Variants in RSU1 observed in about 807,000 individuals in gnomAD.
RSU1 encodes rsu-1.
Under a neutral mutation model 31.1 loss-of-function variants are expected in RSU1, and 26 were observed. The ratio of observed to expected loss-of-function variants is 0.84; its 90% confidence interval spans 0.61 to 1.16. The LOEUF is 1.16. Among genes scored for constraint, RSU1 ranks in the 50% most tolerant of loss-of-function variants. The pLI is 0.00. For missense variants in RSU1, 320 were observed against 339.1 expected (o/e 0.94, Z 0.44); for synonymous variants, 164 against 136.3 (o/e 1.20, Z -1.41).
intron 3 of RSU1, among the ~76,000 whole-genome samples, chr10:16,778,750 G>A (rs995149269): frequency 6.6e-5 from 10 of 152,088 alleles, no homozygotes; most frequent in African/African-American, 9.7e-5. Flanking sequence ...CAGGGCTACG[G>A]GGGGACAGAA....
intron 8 of RSU1, among the ~76,000 whole-genome samples, chr10:16,644,415 T>C (rs946803354): frequency 6.6e-6 from 1 of 152,254 alleles, no homozygotes; most frequent in Admixed American, 6.5e-5. Context: ...GTGAGTGGCA[T>C]TTCCCACGTG....
chr10:16,706,769 A>C (rs1835912176), intron 7 of RSU1, among the ~76,000 whole-genome samples: 2 of 152,172 alleles, frequency 1.3e-5, no homozygotes, highest in African/African-American at 4.8e-5. Flanking sequence ...CCTAATATAC[A>C]ATATTTCACT....
chr10:16,619,573 G>A (rs1834034739), intron 8 of RSU1, among the ~76,000 whole-genome samples: 1 of 152,198 alleles, frequency 6.6e-6, no homozygotes, highest in Non-Finnish European at 1.5e-5. Context: ...CCCTAAGGAA[G>A]TGCCTCGTGT....
chr10:16,759,612 A>G (rs1290101666), intron 4 of RSU1, among the ~76,000 whole-genome samples: 1 of 152,222 alleles, frequency 6.6e-6, no homozygotes, highest in African/African-American at 2.4e-5. Context: ...ACGAGGTCAA[A>G]CGTTATTCCC....
At chr10:16,745,511 C>G (rs1308296691) in intron 7 of RSU1, among the ~76,000 whole-genome samples, 1 of 152,132 alleles carries the variant, frequency 6.6e-6, no homozygotes, top group Non-Finnish European at 1.5e-5. Context: ...CAAGGAGAAG[C>G]AAGTCACATC....
chr10:16,751,477 G>A (rs1372822382), intron 7 of RSU1, among the ~76,000 whole-genome samples: 3 of 152,186 alleles, frequency 2.0e-5, no homozygotes, highest in Non-Finnish European at 2.9e-5. Flanking sequence ...TGATAGGCGT[G>A]CTCTGTGTCT....
chr10:16,665,746 A>G (rs887107975), intron 8 of RSU1, among the ~76,000 whole-genome samples: 1 of 152,236 alleles, frequency 6.6e-6, no homozygotes, highest in Admixed American at 6.5e-5. Context: ...AAACGGAAAG[A>G]ATAAAATATT....
chr10:16,706,658 C>G (rs1402243199), intron 7 of RSU1, among the ~76,000 whole-genome samples: 1 of 152,140 alleles, frequency 6.6e-6, no homozygotes, highest in African/African-American at 2.4e-5. Flanking sequence ...TGATACCTAT[C>G]TATGCTATAT....
At chr10:16,810,229 T>C (rs1838381131) in intron 2 of RSU1, among the ~76,000 whole-genome samples, 1 of 148,692 alleles carries the variant, frequency 6.7e-6, no homozygotes, top group Non-Finnish European at 1.5e-5. Context: ...AGACTGTGTC[T>C]CAAAAAATAA....
chr10:16,686,754 G>C (rs980746150), intron 8 of RSU1, among the ~76,000 whole-genome samples: 3 of 152,150 alleles, frequency 2.0e-5, no homozygotes, highest in Non-Finnish European at 2.9e-5. Context: ...CACACACAGA[G>C]AGAGACTGAG....
intron 7 of RSU1, among the ~76,000 whole-genome samples, chr10:16,730,745 A>T (rs931442559): frequency 3.9e-5 from 6 of 152,246 alleles, no homozygotes; most frequent in African/African-American, 1.4e-4. Context: ...ACATACAGAG[A>T]CATTAACCAA....
intron 8 of RSU1, among the ~76,000 whole-genome samples, chr10:16,626,148 T>A (rs752901741): frequency 2.6e-5 from 4 of 151,892 alleles, no homozygotes; most frequent in Non-Finnish European, 5.9e-5. Flanking sequence ...CAGGCTTAAG[T>A]GATCCTCCCA....
intron 8 of RSU1, among the ~76,000 whole-genome samples, chr10:16,609,443 GA>G (rs1833858480): frequency 6.6e-6 from 1 of 152,144 alleles, no homozygotes; most frequent in Non-Finnish European, 1.5e-5. Context: ...TTTCATCTAA[GA>G]ATCTCACCCA....
chr10:16,619,647 G>T (rs1834035905), intron 8 of RSU1, among the ~76,000 whole-genome samples: 1 of 152,154 alleles, frequency 6.6e-6, no homozygotes, highest in Non-Finnish European at 1.5e-5. Context: ...AATAAACTCT[G>T]AAAGACTCCT....
chr10:16,603,872 T>C (rs1249425847), intron 8 of RSU1, among the ~76,000 whole-genome samples: 2 of 152,192 alleles, frequency 1.3e-5, no homozygotes, highest in Non-Finnish European at 2.9e-5. Context: ...TATTCATAAA[T>C]ATAAGGAAGT....
chr10:16,612,939 T>G (rs964035165), intron 8 of RSU1, among the ~76,000 whole-genome samples: 1 of 151,702 alleles, frequency 6.6e-6, no homozygotes, highest in African/African-American at 2.4e-5. Flanking sequence ...TATTTTCCTC[T>G]CTATTTATCT....
chr10:16,593,173 A>G lies in RSU1; in HGVS notation c.*221T>C. 1.3e-6 allele frequency: 1 copy of G among 740,780 alleles called. No homozygotes were observed. Among genetic ancestry groups the G allele is most frequent in the Non-Finnish European group, 1.9e-6 (1 of 516,546 alleles). 45.9% of individuals were successfully genotyped at this position (740,780 alleles called of 1,614,324 possible). A position where few individuals can be genotyped will look rare whatever the true frequency, so the allele number is the denominator to read the frequency against. On this transcript the variant is annotated 3_prime_UTR_variant, in exon 9 of 9. Coordinates refer to ENST00000345264, the MANE Select transcript of RSU1 (RefSeq NM_012425.4). Reference sequence around the variant, plus strand: ...AAGAGCTTTGTTCCCTGCTTTTGGTAATGTTAAAGAAACAAATGGAAATGG... The same window carrying G: ...AAGAGCTTTGTTCCCTGCTTTTGGTGATGTTAAAGAAACAAATGGAAATGG...
chr10:16,642,214 G>A (rs1311407587), intron 8 of RSU1, among the ~76,000 whole-genome samples: 1 of 152,060 alleles, frequency 6.6e-6, no homozygotes. Flanking sequence ...GAAAAAAACA[G>A]TGAGATGAGC....
At chr10:16,776,823 A>C (rs1200534608) in intron 3 of RSU1, among the ~76,000 whole-genome samples, 2 of 152,024 alleles carry the variant, frequency 1.3e-5, no homozygotes, top group Non-Finnish European at 2.9e-5. Flanking sequence ...AAAAAAAAAA[A>C]AACTACTGCC....
Sources: gnomAD v4.1 joint callset for allele counts (sites outside exome capture counted in the v4.1 genomes callset) on GRCh38, gnomAD v4.1.1 for gene constraint, MANE v1.5 for transcripts, NCBI Gene and HGNC (gene_info 2026-07-23, HGNC 2026-07-21) for gene names.